Variants in RIT2 observed in about 807,000 individuals in gnomAD.
RIT2 encodes GTP-binding protein Rit2.
RIT2 carries 24 observed loss-of-function variants against 23.7 expected under a neutral mutation model. The ratio of observed to expected loss-of-function variants is 1.01; its 90% CI spans 0.73 to 1.43. The LOEUF is 1.43. RIT2 is among the 40% of genes most tolerant of loss of function. The pLI, the probability that RIT2 is intolerant of heterozygous loss-of-function variation, is 0.00. For synonymous variants in RIT2, 107 were observed against 91.1 expected, an observed-to-expected ratio of 1.17 and a Z score of -0.99; for missense variants, 236 against 266.9, an observed-to-expected ratio of 0.88 and a Z score of 0.81.
intron 1 of RIT2, among the ~76,000 whole-genome samples, chr18:43,080,202 A>G (rs748184078): frequency 6.6e-6 from 1 of 152,186 alleles, no homozygotes; most frequent in African/African-American, 2.4e-5. Context: ...TAGAGAATGT[A>G]TGCACATCAG....
chr18:42,804,561 T>TAAA (rs564202513), intron 4 of RIT2, among the ~76,000 whole-genome samples: 61 of 52,850 alleles, frequency 1.2e-3, no homozygotes, highest in African/African-American at 3.3e-3. Context: ...GCCTCAAAAC[T>TAAA]AAAAAAAAAA....
At chr18:43,095,687 C>T (rs1332925771) in intron 1 of RIT2, among the ~76,000 whole-genome samples, 1 of 151,872 alleles carries the variant, frequency 6.6e-6, no homozygotes, top group Non-Finnish European at 1.5e-5. Context: ...TAATACCTAT[C>T]CACTTACTTA....
intron 1 of RIT2, among the ~76,000 whole-genome samples, chr18:43,053,662 T>C (rs1369569807): frequency 1.3e-5 from 2 of 152,072 alleles, no homozygotes; most frequent in Admixed American, 1.3e-4. Context: ...TTCTACCTCG[T>C]ATTCATTGAT....
chr18:43,062,001 A>C (rs1912657915), intron 1 of RIT2, among the ~76,000 whole-genome samples: 1 of 151,814 alleles, frequency 6.6e-6, no homozygotes, highest in African/African-American at 2.4e-5. Flanking sequence ...GCTGGTGGCC[A>C]CTCCCTCTAG....
chr18:42,819,694 C>A (rs1326806268), intron 4 of RIT2, among the ~76,000 whole-genome samples: 3 of 152,126 alleles, frequency 2.0e-5, no homozygotes. Context: ...ACATGTACAA[C>A]TGTTCTACCT....
chr18:42,955,141 CATG>C (rs1909943174), intron 3 of RIT2, among the ~76,000 whole-genome samples: 1 of 152,054 alleles, frequency 6.6e-6, no homozygotes, highest in South Asian at 2.1e-4. Flanking sequence ...AATAGTTGAC[CATG>C]ATAATTCAAG....
chr18:42,886,233 C>T (rs558133918), intron 4 of RIT2, among the ~76,000 whole-genome samples: 1 of 152,218 alleles, frequency 6.6e-6, no homozygotes, highest in African/African-American at 2.4e-5. Flanking sequence ...CTATCAAAAG[C>T]ATCATAAAAT....
intron 1 of RIT2, among the ~76,000 whole-genome samples, chr18:43,099,616 C>T (rs978651177): frequency 2.6e-5 from 4 of 152,064 alleles, no homozygotes; most frequent in Admixed American, 6.6e-5. Flanking sequence ...AAGTCTTAAA[C>T]TCAATGGGAG....
At chr18:43,081,044 T>A (rs960686109) in intron 1 of RIT2, among the ~76,000 whole-genome samples, 1 of 152,194 alleles carries the variant, frequency 6.6e-6, no homozygotes, top group African/African-American at 2.4e-5. Flanking sequence ...ATGATCCTTA[T>A]TAGCAAATTG....
intron 4 of RIT2, among the ~76,000 whole-genome samples, chr18:42,782,611 G>A (rs1485675523): frequency 6.6e-6 from 1 of 152,046 alleles, no homozygotes; most frequent in African/African-American, 2.4e-5. Flanking sequence ...GAAAAGAATA[G>A]CATACAAAAC....
intron 3 of RIT2, among the ~76,000 whole-genome samples, chr18:42,953,124 T>C (rs1269745927): frequency 6.6e-6 from 1 of 152,100 alleles, no homozygotes; most frequent in Non-Finnish European, 1.5e-5. Flanking sequence ...TGTGTAGCAA[T>C]CTCTCATCCA....
chr18:42,791,041 T>C (rs1914031817), intron 4 of RIT2, among the ~76,000 whole-genome samples: 1 of 152,200 alleles, frequency 6.6e-6, no homozygotes, highest in Non-Finnish European at 1.5e-5. Context: ...CCTCCCTACA[T>C]GCCTTTTGTT....
At chr18:42,780,784 C>A (rs1913792838) in intron 4 of RIT2, among the ~76,000 whole-genome samples, 1 of 150,152 alleles carries the variant, frequency 6.7e-6, no homozygotes, top group Non-Finnish European at 1.5e-5. Flanking sequence ...CCATGTCTGA[C>A]TCACTTTCCC....
chr18:42,882,044 G>A (rs573326688), intron 4 of RIT2, among the ~76,000 whole-genome samples: 1 of 152,242 alleles, frequency 6.6e-6, no homozygotes, highest in Non-Finnish European at 1.5e-5. Context: ...TTTCAAAGTA[G>A]CCTCTGGTTA....
chr18:43,018,992 C>T (rs1911536360), intron 2 of RIT2, among the ~76,000 whole-genome samples: 1 of 151,730 alleles, frequency 6.6e-6, no homozygotes, highest in South Asian at 2.1e-4. Flanking sequence ...AAATAATATA[C>T]AAAACAACCA....
At chr18:43,025,403 C>A (rs1911692839) in intron 2 of RIT2, among the ~76,000 whole-genome samples, 1 of 151,764 alleles carries the variant, frequency 6.6e-6, no homozygotes, top group South Asian at 2.1e-4. Context: ...ATCGAACTAC[C>A]ATTTGGTTTA....
At chr18:42,794,507 C>T (rs573058839) in intron 4 of RIT2, among the ~76,000 whole-genome samples, 2 of 152,298 alleles carry the variant, frequency 1.3e-5, no homozygotes, top group South Asian at 4.1e-4. Context: ...TTCCAAAATT[C>T]TCCTAACAGT....
intron 4 of RIT2, among the ~76,000 whole-genome samples, chr18:42,810,584 G>C (rs900271345): frequency 4.0e-5 from 6 of 151,844 alleles, no homozygotes; most frequent in African/African-American, 1.5e-4. Flanking sequence ...GCTATTCTCT[G>C]CAATGACCAG....
chr18:43,113,867 A>T (rs1358053675), intron 1 of RIT2, among the ~76,000 whole-genome samples: 1 of 151,940 alleles, frequency 6.6e-6, no homozygotes, highest in South Asian at 2.1e-4. Context: ...TTTAATGTGG[A>T]TTGGTCTTTT....
Sources: allele counts gnomAD v4.1 joint callset (sites outside exome capture counted in the v4.1 genomes callset), GRCh38; gene constraint gnomAD v4.1.1; transcripts MANE v1.5; gene names NCBI Gene and HGNC (gene_info 2026-07-23, HGNC 2026-07-21).